Variants in SRSF11 observed in about 807,000 individuals in gnomAD.
SRSF11 encodes serine/arginine-rich splicing factor 11.
In SRSF11, 9 loss-of-function variants were observed where a neutral mutation model predicts 56.0. The ratio of observed to expected loss-of-function variants is 0.16; its 90% CI spans 0.10 to 0.28. The LOEUF (loss-of-function observed/expected upper bound fraction) is 0.28. Ranked by LOEUF, SRSF11 falls within the 10% of genes least tolerant of loss-of-function variation. The probability of loss-of-function intolerance (pLI) is 1.00; values close to 1 mark genes in which losing one functional copy is unlikely to be tolerated. For synonymous variants in SRSF11, 222 were observed against 215.3 expected (o/e 1.03, Z -0.27); for missense variants, 421 against 600.7 (o/e 0.70, Z 3.13).
At position 70,234,764 on chromosome 1, in the gene SRSF11, T is replaced by C. The variant is rs1287308286; in HGVS notation, c.516T>C (p.Leu172=). Residue 172 remains leucine, a synonymous_variant, in exon 4 of 12, where the codon CTT becomes CTC. Coordinates refer to ENST00000370949, the MANE Select transcript of SRSF11 (RefSeq NM_001350605.2). ...ATCCTGCCCTTGCTGCACTTGGGCTTCCTGGAGCAAACTTGAACTCTCAGG... is the reference window on the plus strand; with the variant it reads ...ATCCTGCCCTTGCTGCACTTGGGCTCCCTGGAGCAAACTTGAACTCTCAGG... The part of the protein sequence containing the change: ...TLDPALAALG[L]PGANLNSQSL... 7 of 1,610,408 alleles carry C rather than the reference T, an allele frequency of 4.3e-6. No individual in the cohort carries two copies. The highest frequency in any genetic ancestry group is 5.9e-6 in the Non-Finnish European group (7 of 1,178,034).
At chr1:70,235,340 TTTTTTG>T (rs1312056778) in intron 4 of SRSF11, among the ~76,000 whole-genome samples, 155 bp from the exon 5 acceptor site, 8 of 151,454 alleles carry the variant, frequency 5.3e-5, no homozygotes, top group Admixed American at 3.9e-4. Context: ...TTTTGTTTTG[TTTTTTG>T]TTTTTGTTTT....
chr1:70,226,790 G>T (rs1671879429), intron 1 of SRSF11, among the ~76,000 whole-genome samples: 1 of 152,202 alleles, frequency 6.6e-6, no homozygotes, highest in African/African-American at 2.4e-5. Context: ...ATCTATTGGG[G>T]AAGCTGGAGT....
At position 70,221,385 on chromosome 1, in the gene SRSF11, C is replaced by T. The variant is rs540924593; in HGVS notation, c.-252C>T. On this transcript the variant is annotated 5_prime_UTR_variant, in exon 1 of 12. Transcript: ENST00000370949. ...TGTGGGAGCTCGGGCCCGCTAGTGT[C>T]GTGGTTGGAGGCGAGGTGGGGCGGC... 13 of 518,554 alleles carry T rather than the reference C, an allele frequency of 2.5e-5. No individual in the cohort carries two copies. Among genetic ancestry groups the T allele is most frequent in the African/African-American group, 6.0e-5 (3 of 49,996 alleles). 32.1% of individuals were successfully genotyped at this position (518,554 alleles called of 1,614,324 possible).
At chr1:70,248,021 CAG>C (rs1677144798) in intron 9 of SRSF11, among the ~76,000 whole-genome samples, 1 of 152,030 alleles carries the variant, frequency 6.6e-6, no homozygotes, top group Non-Finnish European at 1.5e-5. Flanking sequence ...CTGAGCCTGA[CAG>C]ATGATAGTAA....
At chr1:70,231,731 T>G in intron 2 of SRSF11, 1 of 1,225,178 alleles carries the variant, frequency 8.2e-7, no homozygotes, top group Non-Finnish European at 1.0e-6. Context: ...ACATACTTTC[T>G]TCTCTTAATT....
chr1:70,228,206 TAA>T (rs1461396304), intron 1 of SRSF11, among the ~76,000 whole-genome samples: 2 of 152,208 alleles, frequency 1.3e-5, no homozygotes, highest in African/African-American at 2.4e-5. Flanking sequence ...ACTGTAAATA[TAA>T]GTTATGATTA....
chr1:70,229,741 T>A (rs1158017888), intron 2 of SRSF11: 2 of 984,346 alleles, frequency 2.0e-6, no homozygotes, highest in Non-Finnish European at 2.4e-6. Context: ...TTGTAAAAGT[T>A]GTGAAATGTC....
intron 4 of SRSF11, 22 bp from the exon 5 acceptor site, chr1:70,235,479 T>A: frequency 6.4e-7 from 1 of 1,562,258 alleles, no homozygotes; most frequent in Non-Finnish European, 8.8e-7. Flanking sequence ...ATTCTCATTA[T>A]TCTTATGTTT....
intron 5 of SRSF11, among the ~76,000 whole-genome samples, chr1:70,236,203 A>G (rs1392832641): frequency 6.6e-6 from 1 of 152,208 alleles, no homozygotes; most frequent in Non-Finnish European, 1.5e-5. Context: ...CACCCAGCTT[A>G]TAAAATAAAA....
intron 1 of SRSF11, among the ~76,000 whole-genome samples, chr1:70,213,244 A>G (rs1438613632): frequency 6.6e-6 from 1 of 152,176 alleles, no homozygotes; most frequent in Admixed American, 6.5e-5. Flanking sequence ...ACATTAGCTC[A>G]TGTGGCTAAT....
At chr1:70,230,927 C>T (rs995892461) in intron 2 of SRSF11, 1 of 1,194,272 alleles carries the variant, frequency 8.4e-7, no homozygotes, top group Admixed American at 3.6e-5. Context: ...CTCCCCCTTC[C>T]CCTCCATAAC....
chr1:70,205,853 C>T (rs891339424), intron 1 of SRSF11: 1 of 226,504 alleles, frequency 4.4e-6, no homozygotes, highest in African/African-American at 2.2e-5. Flanking sequence ...CTCCAACCTT[C>T]TCCTCTGTGC....
At chr1:70,232,679 T>C (rs781609842) in intron 3 of SRSF11, among the ~76,000 whole-genome samples, 10 of 152,210 alleles carry the variant, frequency 6.6e-5, no homozygotes, top group South Asian at 2.1e-4. Context: ...GTTAAAAATA[T>C]ATTCATTTGG....
rs1672498551 is a variant in SRSF11, at chr1:70,229,724, C to T, written c.337+1169C>T. 10 of 984,302 alleles carry T rather than the reference C, an allele frequency of 1.0e-5. No individual in the cohort carries two copies. In the South Asian group the frequency reaches 4.2e-4, roughly 42 times the overall value. The allele number at this position is 984,302 out of a possible 1,614,324, so 61.0% of individuals were successfully genotyped here. A position where few individuals can be genotyped will look rare whatever the true frequency, so the allele number is the denominator to read the frequency against. On this transcript the variant is annotated intron_variant, in intron 2 of 11. Coordinates refer to ENST00000370949, the MANE Select transcript of SRSF11 (RefSeq NM_001350605.2). ...TTGAAAACAAATGTGAGCATTTACACCATACCTTGTAAAAGTTGTGAAATG... is the reference window on the plus strand; with the variant it reads ...TTGAAAACAAATGTGAGCATTTACATCATACCTTGTAAAAGTTGTGAAATG...
Position 70,244,667 on chromosome 1 carries a change from T to C in SRSF11, c.801-17T>C. ...TTACATTTATACACATGTATTGGCT[T>C]CCTTTTACACTATTAGGCGGTCAAG... On this transcript the variant is annotated splice_polypyrimidine_tract_variant and intron_variant, in intron 7 of 11. Coordinates refer to ENST00000370949, the MANE Select transcript of SRSF11 (RefSeq NM_001350605.2). 6.2e-7 allele frequency: 1 copy of C among 1,608,850 alleles called. No individual in the cohort carries two copies.
intron 9 of SRSF11, chr1:70,248,292 A>C (rs930282276): frequency 6.6e-6 from 1 of 152,160 alleles, no homozygotes; most frequent in African/African-American, 2.4e-5. Context: ...TGGTATATCT[A>C]TACAATTGAA....
At chr1:70,248,009 A>G (rs776253710) in intron 9 of SRSF11, among the ~76,000 whole-genome samples, 30 of 152,146 alleles carry the variant, frequency 2.0e-4, no homozygotes, top group Non-Finnish European at 4.0e-4. Context: ...GACAGATGAT[A>G]GCTGAGCCTG....
At chr1:70,237,616 G>A in intron 6 of SRSF11, 64 bp downstream of exon 6, 1 of 1,594,582 alleles carries the variant, frequency 6.3e-7, no homozygotes, top group Non-Finnish European at 8.5e-7. Context: ...ACATAAATGT[G>A]GAATTGTGTT....
chr1:70,246,653 A>T, intron 8 of SRSF11, 165 bp from the exon 9 acceptor site: 3 of 464,546 alleles, frequency 6.5e-6, no homozygotes, highest in Non-Finnish European at 1.2e-5. Context: ...ATTGTACTTC[A>T]AATATGCCAC....
Sources: allele counts gnomAD v4.1 joint callset (sites outside exome capture counted in the v4.1 genomes callset), GRCh38; gene constraint gnomAD v4.1.1; transcripts MANE v1.5; gene names NCBI Gene and HGNC (gene_info 2026-07-23, HGNC 2026-07-21).